The following DHX38 variants were observed in gnomAD, a reference collection of about 807,000 sequenced individuals.
The protein encoded by DHX38 is pre-mRNA-splicing factor ATP-dependent RNA helicase PRP16.
In DHX38, 100 loss-of-function variants were observed where a neutral mutation model predicts 153.1. The observed-to-expected ratio is 0.65, with a 90% confidence interval of 0.56 to 0.77. The LOEUF (loss-of-function observed/expected upper bound fraction) is 0.77. DHX38 is among the 30% of genes least tolerant of loss of function. The pLI, the probability that DHX38 is intolerant of heterozygous loss-of-function variation, is 0.00. For synonymous variants in DHX38, 650 were observed against 631.7 expected (o/e 1.03, Z -0.43); for missense variants, 1,440 against 1,654.0 (o/e 0.87, Z 2.24).
chr16:72,101,652 A>G, intron 11 of DHX38, 40 bp downstream of exon 11: 1 of 1,524,638 alleles, frequency 6.6e-7, no homozygotes, highest in Non-Finnish European at 8.9e-7. Flanking sequence ...CCTTGCTCCA[A>G]AGATGGGGGC....
chr16:72,106,473 G>A (rs1176913282), intron 19 of DHX38, among the ~76,000 whole-genome samples: 1 of 138,528 alleles, frequency 7.2e-6, no homozygotes, highest in African/African-American at 2.6e-5. Flanking sequence ...TTAGAGACAG[G>A]GTCTTGCTCT....
At chr16:72,112,348 C>A in intron 26 of DHX38, 65 bp from the exon 27 acceptor site, 1 of 1,523,100 alleles carries the variant, frequency 6.6e-7, no homozygotes, top group South Asian at 1.1e-5. Context: ...GGCTCTGCAT[C>A]CTCCTGCCCT....
In DHX38 at chr16:72,106,726, T is replaced by C. The variant is rs74637502; in HGVS notation, c.2600+609T>C. 9.0e-3 allele frequency among the ~76,000 whole-genome samples: 1,366 copies of C among 152,326 alleles called. 14 individuals carry two copies. Among genetic ancestry groups the C allele is most frequent in the Middle Eastern group, 0.027 (8 of 294 alleles). Reference sequence around the variant, plus strand: ...TTGGCCTCCCAAACTGTTGGCATTATAGGTGTGAGCCACTCTGCCTGGCTC... The same window carrying C: ...TTGGCCTCCCAAACTGTTGGCATTACAGGTGTGAGCCACTCTGCCTGGCTC... On this transcript the variant is annotated intron_variant, in intron 19 of 26. Transcript: ENST00000268482.
chr16:72,094,427 A>C (rs1165073136), intron 1 of DHX38: 1 of 152,036 alleles, frequency 6.6e-6, no homozygotes, highest in Non-Finnish European at 1.5e-5. Context: ...CTGGTGGGCG[A>C]TCTCTTCTAC....
chr16:72,108,096 T>G, intron 21 of DHX38, 131 bp from the exon 22 acceptor site: 1 of 1,136,612 alleles, frequency 8.8e-7, no homozygotes, highest in Non-Finnish European at 1.2e-6. Flanking sequence ...TTTTCTCAAA[T>G]TGTCAGGGCA....
chr16:72,108,635 C>T (rs1339540871), intron 23 of DHX38, 28 bp downstream of exon 23: 5 of 1,609,014 alleles, frequency 3.1e-6, no homozygotes, highest in Non-Finnish European at 4.2e-6. Context: ...GTGAGCCCCT[C>T]CCAGCCTGAT....
intron 26 of DHX38, among the ~76,000 whole-genome samples, chr16:72,111,597 T>C (rs1001296158): frequency 6.6e-6 from 1 of 152,210 alleles, no homozygotes. Flanking sequence ...TATAGCTTTA[T>C]TATACCAAAA....
chr16:72,108,977 C>T, intron 24 of DHX38, 52 bp downstream of exon 24: 1 of 1,539,428 alleles, frequency 6.5e-7, no homozygotes, highest in South Asian at 1.3e-5. Flanking sequence ...TCTGGCCAGG[C>T]TTTGAAACCC....
chr16:72,107,757 C>G lies in DHX38; in HGVS notation c.2922C>G (p.Ile974Met). The part of the protein sequence containing the change: ...DMGCSSEILL[I>M]VSMLSVPAIF... Reference sequence around the variant, plus strand: ...GCTGCAGCTCCGAGATCCTGCTCATCGTTTCCATGCTCTCGGTCCCAGCCA... The same window carrying G: ...GCTGCAGCTCCGAGATCCTGCTCATGGTTTCCATGCTCTCGGTCCCAGCCA... The change falls in exon 21 of 27, where the codon ATC becomes ATG. Residue 974 changes from isoleucine to methionine, a missense_variant. Around this residue, in one of 6 missense-constraint regions of DHX38, gnomAD observed 543 missense variants for 717.9 expected, o/e 0.76. Coordinates refer to ENST00000268482, the MANE Select transcript of DHX38 (RefSeq NM_014003.4). This position sits in a 1 kb window ranked among gnomAD's most constrained non-coding sequence, Gnocchi z 5.3. The G allele has an allele frequency of 6.2e-7, 1 of 1,614,090 alleles. No homozygotes were observed. Among genetic ancestry groups the G allele is most frequent in the Non-Finnish European group, 8.5e-7 (1 of 1,180,032 alleles).
In DHX38 at chr16:72,104,727, A is replaced by G. The variant is rs1367295623; in HGVS notation, c.2151+101A>G. 6.5e-7 allele frequency: 1 copy of G among 1,542,974 alleles called. No individual in the cohort carries two copies. The highest frequency in any genetic ancestry group is 1.4e-5 in the African/African-American group (1 of 73,682). On this transcript the variant is annotated intron_variant, in intron 15 of 26. Coordinates refer to ENST00000268482, the MANE Select transcript of DHX38 (RefSeq NM_014003.4). The surrounding 1 kb of genome is among the most constrained non-coding windows in gnomAD (Gnocchi z 4.5). ...GAGGGTGGGTAGGGGACTGGGTTGG[A>G]GAAGATTTCCTGGGGACCATGGGGC...
At position 72,112,473 on chromosome 16, in the gene DHX38, C is replaced by T; in HGVS notation, c.3660C>T (p.Arg1220=). 1 of 1,612,282 alleles carries T rather than the reference C, an allele frequency of 6.2e-7. No homozygotes were observed. The highest frequency in any genetic ancestry group is 8.5e-7 in the Non-Finnish European group (1 of 1,180,024). The change falls in exon 27 of 27, where the codon CGC becomes CGT. Residue 1220 remains arginine (R), a synonymous_variant. Transcript: ENST00000268482. ...AAGGGGAGCCCATGACCCCTCGCCG[C>T]ACGCCAGCCCGCTTTGGTCTGTGAG... The part of the protein sequence containing the change: ...KEQGEPMTPR[R]TPARFGL
intron 24 of DHX38, 36 bp downstream of exon 24, chr16:72,108,961 C>G (rs750953511): frequency 5.0e-5 from 78 of 1,555,340 alleles, no homozygotes; most frequent in South Asian, 6.1e-5. Flanking sequence ...TAATGCAGGC[C>G]CCCTGTCTGG....
At chr16:72,094,102 T>C (rs2041968131) in intron 1 of DHX38, 51 bp downstream of exon 1, 1 of 152,486 alleles carries the variant, frequency 6.6e-6, no homozygotes, top group South Asian at 2.1e-4. Flanking sequence ...TCATGGCGGC[T>C]CTAGGCGGCG....
chr16:72,104,108 G>A lies in DHX38; in HGVS notation c.1987G>A (p.Val663Met), dbSNP rs2042138895. The A allele has an allele frequency of 3.1e-6, 5 of 1,614,112 alleles. No individual in the cohort carries two copies. Among genetic ancestry groups the A allele is most frequent in the Non-Finnish European group, 4.2e-6 (5 of 1,179,996 alleles). ...CCACGAGCGCTCCCTCAACACTGAC[G>A]TGCTCTTTGGGCTGCTCCGGGAGGT... ...EAHERSLNTDVLFGLLREVVA... is the reference protein window; with the variant it reads ...EAHERSLNTDMLFGLLREVVA... The change falls in exon 14 of 27, where the codon GTG becomes ATG. Residue 663 changes from valine to methionine, a missense_variant. Physicochemically the swap from Val to Met is conservative, Grantham distance 21. Transcript: ENST00000268482. This position sits in a 1 kb window ranked among gnomAD's most constrained non-coding sequence, Gnocchi z 4.5.
rs760079095 is a variant in DHX38, at chr16:72,099,030, C to A, written c.868C>A (p.Leu290Met). 6.2e-7 allele frequency: 1 copy of A among 1,612,792 alleles called. No individual in the cohort carries two copies. Among genetic ancestry groups the A allele is most frequent in the Admixed American group, 1.7e-5 (1 of 60,028 alleles). ...DRRHLGSTPRLSRGRGRREEG... is the reference protein window; with the variant it reads ...DRRHLGSTPRMSRGRGRREEG... ...AAGACACTTGGGGTCCACCCCGCGT[C>A]TGTCCAGGGGCCGAGGTGAGGCCTG... is the stretch of plus-strand genomic sequence containing the variant. Residue 290 changes from leucine (L) to methionine (M), a missense_variant, in exon 6 of 27, where the codon CTG becomes ATG. Coordinates refer to ENST00000268482, the MANE Select transcript of DHX38 (RefSeq NM_014003.4).
intron 9 of DHX38, 37 bp from the exon 10 acceptor site, chr16:72,101,049 T>A: frequency 6.2e-7 from 1 of 1,602,232 alleles, no homozygotes; most frequent in Non-Finnish European, 8.6e-7. Context: ...TTCTTGCTGA[T>A]TTTAACGGGC....
chr16:72,108,221 T>G lies in DHX38; in HGVS notation c.2965-6T>G. 6.2e-7 allele frequency: 1 copy of G among 1,613,930 alleles called. No homozygotes were observed. The highest frequency in any genetic ancestry group is 8.5e-7 in the Non-Finnish European group (1 of 1,179,986). On this transcript the variant is annotated splice_region_variant and splice_polypyrimidine_tract_variant and intron_variant, in intron 21 of 26. Transcript: ENST00000268482. ...CTTAGAGTGAAGGTTCTTTTTCCCT[T>G]CCTAGGGTCGAGAGGAGGAGAGTGA... is the stretch of plus-strand genomic sequence containing the variant.
chr16:72,103,184 T>G lies in DHX38; in HGVS notation c.1610T>G (p.Val537Gly). The G allele has an allele frequency of 6.2e-7, 1 of 1,614,216 alleles. No individual in the cohort carries two copies. Among genetic ancestry groups the G allele is most frequent in the Non-Finnish European group, 8.5e-7 (1 of 1,180,046 alleles). Residue 537 changes from valine to glycine, a missense_variant, in exon 12 of 27, where the codon GTG (valine) becomes GGG (glycine). By Grantham distance (109) the Val-to-Gly change is moderately radical. Coordinates refer to ENST00000268482, the MANE Select transcript of DHX38 (RefSeq NM_014003.4). ...EQRQYLPIFAVQQELLTIIRD... is the reference protein window; with the variant it reads ...EQRQYLPIFAGQQELLTIIRD... ...AGGCAGTACCTGCCCATCTTTGCAG[T>G]GCAGCAGGAGCTGCTCACTATTATC...
Position 72,104,959 on chromosome 16 carries a change from G to T in DHX38, c.2152-68G>T. 6.8e-7 allele frequency: 1 copy of T among 1,473,108 alleles called. No individual in the cohort carries two copies. The highest frequency in any genetic ancestry group is 9.3e-7 in the Non-Finnish European group (1 of 1,077,266). 91.3% of individuals were successfully genotyped at this position (1,473,108 alleles called of 1,614,324 possible). On this transcript the variant is annotated intron_variant, in intron 15 of 26. Coordinates refer to ENST00000268482, the MANE Select transcript of DHX38 (RefSeq NM_014003.4). This position sits in a 1 kb window ranked among gnomAD's most constrained non-coding sequence, Gnocchi z 4.5. ...TCCAGAGCAGTGCCTGGGCCACTGG[G>T]CTCCCAGGAGATGCCCGGCCTGCGC...
Sources: gnomAD v4.1 joint callset for allele counts (sites outside exome capture counted in the v4.1 genomes callset) on GRCh38, gnomAD v4.1.1 for gene constraint, gnomAD v4.1.1 regional missense constraint, Gnocchi (gnomAD v3.1) non-coding constraint, MANE v1.5 for transcripts, NCBI Gene and HGNC (gene_info 2026-07-23, HGNC 2026-07-21) for gene names.